Variants in CCL25 observed in about 807,000 individuals in gnomAD.
The protein encoded by CCL25 is C-C motif chemokine ligand 25.
CCL25 carries 14 observed loss-of-function variants against 19.9 expected under a neutral mutation model. The observed-to-expected ratio is 0.70, with a 90% CI of 0.47 to 1.10. The LOEUF is 1.10. Ranked by LOEUF, CCL25 falls within the 50% of genes least tolerant of loss-of-function variation. The pLI, the probability that CCL25 is intolerant of heterozygous loss-of-function variation, is 0.00. For synonymous variants in CCL25, 68 were observed against 73.2 expected (o/e 0.93, Z 0.36); for missense variants, 151 against 181.2 (o/e 0.83, Z 0.96).
chr19:8,055,811 G>A (rs2081266949), intron 2 of CCL25, among the ~76,000 whole-genome samples: 1 of 152,122 alleles, frequency 6.6e-6, no homozygotes, highest in Non-Finnish European at 1.5e-5. Context: ...CTTGGCTGGG[G>A]AGGGGTGGTG....
At chr19:8,056,888 G>A (rs141911838) in intron 4 of CCL25, among the ~76,000 whole-genome samples, 69 of 152,206 alleles carry the variant, frequency 4.5e-4, no homozygotes, top group East Asian at 1.9e-3. Flanking sequence ...TGTCACCCAC[G>A]CTGGAGTGCA....
chr19:8,057,262 T>C (rs1260247846), intron 4 of CCL25, among the ~76,000 whole-genome samples: 17 of 151,994 alleles, frequency 1.1e-4, no homozygotes, highest in African/African-American at 3.9e-4. Context: ...TCAGATGATC[T>C]GCCCGCCTTG....
At chr19:8,059,893 TC>T (rs1225641064) in intron 5 of CCL25, among the ~76,000 whole-genome samples, 1 of 151,666 alleles carries the variant, frequency 6.6e-6, no homozygotes, top group African/African-American at 2.4e-5. Context: ...ATCGAGACCA[TC>T]CAGGCTAACA....
chr19:8,056,302 G>GGGGGGGGGGGGGGGGGGGGGCCCCCCCC, intron 3 of CCL25, 33 bp downstream of exon 3: 1 of 593,382 alleles, frequency 1.7e-6, no homozygotes, highest in Non-Finnish European at 3.2e-6. Context: ...GGGGGGTGGG[G>GGGGGGGGGGGGGGGGGGGGGCCCCCCCC]TGCACACACA....
chr19:8,061,335 C>T (rs1220573030), intron 5 of CCL25, among the ~76,000 whole-genome samples: 9 of 151,624 alleles, frequency 5.9e-5, no homozygotes, highest in African/African-American at 9.7e-5. Context: ...TTAGTAGAGA[C>T]GGCGTTTCAC....
At chr19:8,058,089 C>T (rs2081285205) in intron 5 of CCL25, among the ~76,000 whole-genome samples, 169 bp downstream of exon 5, 1 of 151,756 alleles carries the variant, frequency 6.6e-6, no homozygotes, top group South Asian at 2.1e-4. Flanking sequence ...TGGCTGTCCA[C>T]TGCTGTGACT....
intron 5 of CCL25, 87 bp downstream of exon 5, chr19:8,058,007 A>C: frequency 6.5e-7 from 1 of 1,535,660 alleles, no homozygotes; most frequent in Non-Finnish European, 8.8e-7. Flanking sequence ...CTGGGACAGG[A>C]GATTCACCTC....
chr19:8,056,302 G>GGGGGGGGGGGGGGGGGGGGGCCCCCC, intron 3 of CCL25, 33 bp downstream of exon 3: 2 of 593,246 alleles, frequency 3.4e-6, no homozygotes, highest in Non-Finnish European at 6.4e-6. Flanking sequence ...GGGGGGTGGG[G>GGGGGGGGGGGGGGGGGGGGGCCCCCC]TGCACACACA....
At chr19:8,059,459 AAAGT>A (rs1343724402) in intron 5 of CCL25, among the ~76,000 whole-genome samples, 4 of 151,696 alleles carry the variant, frequency 2.6e-5, no homozygotes, top group Non-Finnish European at 4.4e-5. Flanking sequence ...TCGGCCCCCC[AAAGT>A]GCTGGGATTG....
chr19:8,056,302 G>GGGGGGGGGGGGGGGGGGGGGGGGGCGCCC, intron 3 of CCL25, 33 bp downstream of exon 3: 2 of 593,408 alleles, frequency 3.4e-6, no homozygotes, highest in Non-Finnish European at 3.2e-6. Flanking sequence ...GGGGGGTGGG[G>GGGGGGGGGGGGGGGGGGGGGGGGGCGCCC]TGCACACACA....
intron 5 of CCL25, among the ~76,000 whole-genome samples, chr19:8,058,277 A>G (rs1285702571): frequency 1.4e-5 from 2 of 141,920 alleles, no homozygotes; most frequent in African/African-American, 5.2e-5. Flanking sequence ...TAAAATATAT[A>G]TAAGTAAATA....
chr19:8,055,460 C>G (rs74176270), intron 2 of CCL25, among the ~76,000 whole-genome samples: 1 of 150,012 alleles, frequency 6.7e-6, no homozygotes, highest in Admixed American at 6.7e-5. Context: ...CTCAGCCTCC[C>G]GAGTAGCTGG....
At chr19:8,052,755 G>T, upstream of CCL25, 1 of 397,332 alleles carries the variant, frequency 2.5e-6, no homozygotes, top group South Asian at 7.4e-5. Flanking sequence ...CAGCGTGTTG[G>T]TCCTGCAGAT....
Position 8,056,260 on chromosome 19 carries a change from C to T in CCL25, c.182C>T (p.Pro61Leu), listed in dbSNP as rs1228874304. 7.3e-7 allele frequency: 1 copy of T among 1,369,312 alleles called. No individual in the cohort carries two copies. The highest frequency in any genetic ancestry group is 9.7e-7 in the Non-Finnish European group (1 of 1,028,096). The allele number at this position is 1,369,312 out of a possible 1,614,324, so 84.8% of individuals were successfully genotyped here. Residue 61 changes from proline (P) to leucine (L), a missense_variant, in exon 3 of 6, where the codon CCT (proline) becomes CTT (leucine). By Grantham distance (98) the Pro-to-Leu change is moderately conservative (BLOSUM62 -3). Coordinates refer to ENST00000315626, the MANE Select transcript of CCL25 (RefSeq NM_005624.4). ...IQEVSGSCNL[P>L]AAIFYLPKRH... is the part of the protein sequence containing the mutation. ...GAGGTGAGCGGGAGCTGCAATCTGC[C>T]TGCTGCGATGTGAGTGGGGCCGTGG... is the stretch of plus-strand genomic sequence containing the variant.
intron 5 of CCL25, among the ~76,000 whole-genome samples, chr19:8,058,741 C>G (rs1280102540): frequency 7.2e-6 from 1 of 139,436 alleles, no homozygotes; most frequent in Non-Finnish European, 1.5e-5. Context: ...TCACTGCAAG[C>G]TCCACCTTCC....
In CCL25 at chr19:8,062,250, G is replaced by A. The variant is rs1445682364; in HGVS notation, c.*25G>A. 19 of 1,612,268 alleles carry A rather than the reference G, an allele frequency of 1.2e-5. No individual in the cohort carries two copies. Among genetic ancestry groups the A allele is most frequent in the South Asian group, 1.1e-4 (10 of 90,998 alleles). On this transcript the variant is annotated 3_prime_UTR_variant, in exon 6 of 6. Transcript: ENST00000315626. ...AGCCGGCTCATTTCTGGGCTCCATC[G>A]GCACAGGAGGGGCCGGATCTTTCTC...
Position 8,062,046 on chromosome 19 carries a change from CAAAAAAAA to C in CCL25, c.446-157_446-150del, listed in dbSNP as rs34907151. On this transcript the variant is annotated intron_variant, in intron 5 of 5. Transcript: ENST00000315626. Reference sequence around the variant, plus strand: ...GTCTGGCGACAGAGCGAGACTGTCTCAAAAAAAAAAAAAAAAAAAAAAGTTAGCATAAA... The same window carrying C: ...GTCTGGCGACAGAGCGAGACTGTCTCAAAAAAAAAAAAAAGTTAGCATAAA... Among the ~76,000 whole-genome samples the C allele has an allele frequency of 2.3e-4, 14 of 60,544 alleles. No homozygotes were observed. In the South Asian group the frequency reaches 7.8e-3, roughly 34 times the overall value. The allele number at this position is 60,544 out of a possible 152,430, so 39.7% of individuals were successfully genotyped here. A position where few individuals can be genotyped will look rare whatever the true frequency, so the allele number is the denominator to read the frequency against.
chr19:8,061,982 G>A (rs943411513), intron 5 of CCL25, among the ~76,000 whole-genome samples: 12 of 151,266 alleles, frequency 7.9e-5, no homozygotes, highest in South Asian at 2.1e-4. Flanking sequence ...TCCTGGAGGC[G>A]GAGGTTGCAT....
At chr19:8,055,285 G>GGA (rs1468700282) in intron 2 of CCL25, among the ~76,000 whole-genome samples, 4 of 92,738 alleles carry the variant, frequency 4.3e-5, no homozygotes, top group Non-Finnish European at 8.0e-5. Context: ...TGAGACTCTG[G>GGA]AAAAAAAAAA....
Sources: gnomAD v4.1 joint callset for allele counts (sites outside exome capture counted in the v4.1 genomes callset) on GRCh38, gnomAD v4.1.1 for gene constraint, MANE v1.5 for transcripts, NCBI Gene and HGNC (gene_info 2026-07-23, HGNC 2026-07-21) for gene names.